CDH9: variants seen among roughly 807,000 people sequenced by gnomAD.
The protein encoded by CDH9 is cadherin-9.
Under a neutral mutation model 70.9 loss-of-function variants are expected in CDH9, and 28 were observed. That is an observed-to-expected ratio of 0.40 (90% CI 0.29 to 0.54). CDH9 has a LOEUF of 0.54. CDH9 is among the 20% of genes least tolerant of loss of function. The pLI, the probability that CDH9 is intolerant of heterozygous loss-of-function variation, is 0.59. For synonymous variants in CDH9, 409 were observed against 343.1 expected (o/e 1.19, Z -2.12); for missense variants, 874 against 984.4 (o/e 0.89, Z 1.50).
intron 1 of CDH9, among the ~76,000 whole-genome samples, chr5:27,019,940 T>C (rs1014773634): frequency 6.6e-6 from 1 of 151,882 alleles, no homozygotes; most frequent in Non-Finnish European, 1.5e-5. Context: ...ATTTGAAGTA[T>C]CTGTGAAATT....
At chr5:26,898,295 A>T (rs1489888649) in intron 7 of CDH9, among the ~76,000 whole-genome samples, 2 of 152,170 alleles carry the variant, frequency 1.3e-5, no homozygotes, top group African/African-American at 2.4e-5. Flanking sequence ...GCCACCATTG[A>T]CTTTCTTCAC....
At chr5:27,019,766 C>T (rs545618604) in intron 1 of CDH9, among the ~76,000 whole-genome samples, 2 of 151,622 alleles carry the variant, frequency 1.3e-5, no homozygotes, top group Non-Finnish European at 2.9e-5. Flanking sequence ...ATTTACTCGT[C>T]GGAAACAATA....
At position 26,890,901 on chromosome 5, in the gene CDH9, G is replaced by A. The variant is rs975923317; in HGVS notation, c.1254-337C>T. ...TGCTTGAGACACTTTAAACAGTAAT[G>A]TTAAACTTGACTGAGTCAATAGTAA... On this transcript the variant is annotated intron_variant, in intron 7 of 11. Coordinates refer to ENST00000231021, the MANE Select transcript of CDH9 (RefSeq NM_016279.4). 2.1e-5 allele frequency: 4 copies of A among 188,700 alleles called. 1 individual carries two copies. The highest frequency in any genetic ancestry group is 1.5e-4 in the South Asian group (1 of 6,692). The allele number at this position is 188,700 out of a possible 1,614,324, so 11.7% of individuals were successfully genotyped here. A position where few individuals can be genotyped will look rare whatever the true frequency, so the allele number is the denominator to read the frequency against.
chr5:26,996,989 A>T (rs895179648), intron 1 of CDH9, among the ~76,000 whole-genome samples: 1 of 152,082 alleles, frequency 6.6e-6, no homozygotes, highest in Non-Finnish European at 1.5e-5. Flanking sequence ...AGCTTAAAAA[A>T]TTTAGTTTCA....
intron 2 of CDH9, among the ~76,000 whole-genome samples, chr5:26,973,681 G>A (rs529473965): frequency 2.6e-5 from 4 of 152,094 alleles, no homozygotes; most frequent in South Asian, 4.1e-4. Context: ...TAGGGAGCCC[G>A]TGTTAATAAA....
chr5:26,988,260 T>C lies in CDH9; in HGVS notation c.74A>G (p.Gln25Arg), dbSNP rs1258167972. 6.2e-7 allele frequency: 1 copy of C among 1,613,324 alleles called. No homozygotes were observed. The highest frequency in any genetic ancestry group is 1.1e-5 in the South Asian group (1 of 91,070). The change falls in exon 2 of 12, where the codon CAA (glutamine) becomes CGA (arginine). Residue 25 changes from glutamine (Q) to arginine (R), a missense_variant. Coordinates refer to ENST00000231021, the MANE Select transcript of CDH9 (RefSeq NM_016279.4). ...TGATAAATAACTGTTAGGTTTTTCT[T>C]GTAATAGGATGGTGTCAACTGTATG... ...MFHTVDTILL[Q>R]EKPNSYLSSK...
intron 4 of CDH9, 32 bp from the exon 5 acceptor site, chr5:26,906,158 T>C (rs1165469924): frequency 4.4e-6 from 7 of 1,581,666 alleles, no homozygotes; most frequent in Admixed American, 1.8e-5. Flanking sequence ...AGTTTTGCAA[T>C]TAAATCGCTG....
chr5:26,958,780 A>C (rs910985633), intron 2 of CDH9, among the ~76,000 whole-genome samples: 1 of 152,188 alleles, frequency 6.6e-6, no homozygotes, highest in Non-Finnish European at 1.5e-5. Flanking sequence ...TGCTTTATCT[A>C]ATAAAAAGCA....
intron 11 of CDH9, 30 bp from the exon 12 acceptor site, chr5:26,881,653 A>T: frequency 1.3e-6 from 2 of 1,576,368 alleles, no homozygotes; most frequent in Non-Finnish European, 1.7e-6. Context: ...AAATAGTGAG[A>T]TTTCATGAGT....
At chr5:26,967,875 T>C (rs1425425661) in intron 2 of CDH9, among the ~76,000 whole-genome samples, 1 of 152,008 alleles carries the variant, frequency 6.6e-6, no homozygotes, top group Admixed American at 6.6e-5. Context: ...GGCTAACTTT[T>C]TCTTTTTTAA....
intron 2 of CDH9, among the ~76,000 whole-genome samples, chr5:26,986,218 A>G (rs1290443679): frequency 2.0e-5 from 3 of 152,072 alleles, no homozygotes; most frequent in Admixed American, 6.6e-5. Flanking sequence ...CAAACATCTG[A>G]TATTATAATG....
chr5:26,903,827 A>T lies in CDH9; in HGVS notation c.812-3T>A. On this transcript the variant is annotated splice_polypyrimidine_tract_variant and splice_region_variant and intron_variant, in intron 5 of 11. Coordinates refer to ENST00000231021, the MANE Select transcript of CDH9 (RefSeq NM_016279.4). ...AGGAGAATTAAATTGATACGTACCTATAAATTAAGTAAGAGCTGTTTTGAC... is the reference window on the plus strand; with the variant it reads ...AGGAGAATTAAATTGATACGTACCTTTAAATTAAGTAAGAGCTGTTTTGAC... The T allele has an allele frequency of 6.7e-7, 1 of 1,487,662 alleles. No individual in the cohort carries two copies. The highest frequency in any genetic ancestry group is 1.3e-5 in the South Asian group (1 of 77,134). The allele number at this position is 1,487,662 out of a possible 1,614,324, so 92.2% of individuals were successfully genotyped here. A position where few individuals can be genotyped will look rare whatever the true frequency, so the allele number is the denominator to read the frequency against.
At chr5:26,885,451 C>A (rs1306713031) in intron 11 of CDH9, among the ~76,000 whole-genome samples, 163 bp downstream of exon 11, 1 of 152,268 alleles carries the variant, frequency 6.6e-6, no homozygotes, top group Non-Finnish European at 1.5e-5. Flanking sequence ...TATCCCCACA[C>A]ACAAAAACGC....
chr5:26,885,114 T>A (rs1740541343), intron 11 of CDH9, among the ~76,000 whole-genome samples: 2 of 152,208 alleles, frequency 1.3e-5, no homozygotes, highest in Non-Finnish European at 2.9e-5. Flanking sequence ...TGTTAGTAAC[T>A]GTTAACAGTT....
intron 9 of CDH9, among the ~76,000 whole-genome samples, chr5:26,888,896 T>G (rs775383375): frequency 6.6e-6 from 1 of 152,186 alleles, no homozygotes; most frequent in Non-Finnish European, 1.5e-5. Context: ...TTATCTTTTC[T>G]TTGTATGCTA....
intron 1 of CDH9, among the ~76,000 whole-genome samples, chr5:27,016,679 T>C (rs1246878495): frequency 6.6e-6 from 1 of 151,822 alleles, no homozygotes; most frequent in Non-Finnish European, 1.5e-5. Flanking sequence ...AAATTATCCA[T>C]AAAATAAATT....
At chr5:27,028,782 C>A (rs886601436) in intron 1 of CDH9, among the ~76,000 whole-genome samples, 4 of 151,904 alleles carry the variant, frequency 2.6e-5, no homozygotes, top group Admixed American at 6.6e-5. Context: ...CAGGAAAAAA[C>A]CAATTGCCAA....
rs561212004 is a variant in CDH9 at position 27,001,122 on chromosome 5, G to GA, written c.-49-12741dup. On this transcript the variant is annotated intron_variant, in intron 1 of 11. Transcript: ENST00000231021. ...GAACCTTAATGTATACAAATTAAAA[G>GA]AAAAAAACATTTAGTAGGTAGGAGC... is the stretch of plus-strand genomic sequence containing the variant. 2.6e-4 allele frequency among the ~76,000 whole-genome samples: 40 copies of GA among 151,976 alleles called. No individual in the cohort carries two copies. The East Asian group carries it at 2.9e-3, about 11-fold the overall frequency.
At chr5:26,936,881 C>T (rs147602217) in intron 2 of CDH9, among the ~76,000 whole-genome samples, 17 of 151,764 alleles carry the variant, frequency 1.1e-4, no homozygotes, top group African/African-American at 4.1e-4. Flanking sequence ...ACACACACCA[C>T]TCAAAATGTG....
Sources: gnomAD v4.1 joint callset for allele counts (sites outside exome capture counted in the v4.1 genomes callset) on GRCh38, gnomAD v4.1.1 for gene constraint, MANE v1.5 for transcripts, NCBI Gene and HGNC (gene_info 2026-07-23, HGNC 2026-07-21) for gene names.